The following DCC variants were observed in gnomAD, a reference collection of about 807,000 sequenced individuals.
The protein encoded by DCC is DCC netrin 1 receptor.
DCC carries 58 observed loss-of-function variants against 172.5 expected under a neutral mutation model. The observed-to-expected ratio is 0.34, with a 90% CI of 0.27 to 0.42. DCC has a LOEUF of 0.42. DCC is among the 10% of genes least tolerant of loss of function. DCC has a pLI of 1.00. For missense variants in DCC, 1,740 were observed against 1,791.0 expected, an observed-to-expected ratio of 0.97 and a Z score of 0.51; for synonymous variants, 709 against 644.5, an observed-to-expected ratio of 1.10 and a Z score of -1.52.
chr18:52,482,584 C>G (rs1371352939), intron 1 of DCC, among the ~76,000 whole-genome samples: 1 of 152,132 alleles, frequency 6.6e-6, no homozygotes, highest in Non-Finnish European at 1.5e-5. Context: ...AGCAAGAAAG[C>G]TCTCTGGGGT....
intron 5 of DCC, among the ~76,000 whole-genome samples, chr18:52,957,999 T>C (rs953034996): frequency 6.6e-6 from 1 of 152,128 alleles, no homozygotes; most frequent in Non-Finnish European, 1.5e-5. Flanking sequence ...ATAAGGCTAT[T>C]GCATTGATTC....
chr18:53,000,080 G>A (rs1331582783), intron 5 of DCC, among the ~76,000 whole-genome samples: 9 of 152,024 alleles, frequency 5.9e-5, no homozygotes, highest in Non-Finnish European at 1.5e-5. Context: ...GGGTCTCAGA[G>A]CAAGTATAGC....
chr18:52,428,016 G>A (rs1987499728), intron 1 of DCC, among the ~76,000 whole-genome samples: 2 of 151,940 alleles, frequency 1.3e-5, no homozygotes, highest in African/African-American at 2.4e-5. Context: ...AAATTGTCTT[G>A]GCTTCGTGGC....
intron 12 of DCC, among the ~76,000 whole-genome samples, chr18:53,220,624 A>G (rs2055917508): frequency 6.6e-6 from 1 of 152,214 alleles, no homozygotes; most frequent in East Asian, 1.9e-4. Context: ...TTTGCTTATT[A>G]ATGAACAATT....
chr18:53,312,046 A>C (rs533539265), intron 13 of DCC, among the ~76,000 whole-genome samples: 197 of 151,774 alleles, frequency 1.3e-3, no homozygotes, highest in African/African-American at 4.1e-3. Context: ...GCGGTGGCTC[A>C]TGCCTGTAAT....
intron 11 of DCC, among the ~76,000 whole-genome samples, chr18:53,215,058 T>C (rs1434562970): frequency 6.6e-6 from 1 of 152,220 alleles, no homozygotes; most frequent in Admixed American, 6.5e-5. Flanking sequence ...AACTGAGAAG[T>C]ATTTCTTCTT....
intron 2 of DCC, among the ~76,000 whole-genome samples, chr18:52,901,600 TAAAAC>T (rs1421750428): frequency 6.6e-6 from 1 of 152,128 alleles, no homozygotes; most frequent in Non-Finnish European, 1.5e-5. Context: ...GCATAAATGA[TAAAAC>T]AATCCGTTCC....
intron 2 of DCC, among the ~76,000 whole-genome samples, chr18:52,763,886 A>G (rs2037201409): frequency 6.6e-6 from 1 of 152,156 alleles, no homozygotes; most frequent in Non-Finnish European, 1.5e-5. Flanking sequence ...ATTTGTTCTT[A>G]CAGATCAGTT....
intron 1 of DCC, among the ~76,000 whole-genome samples, chr18:52,462,816 G>T (rs1214740697): frequency 2.0e-5 from 3 of 152,068 alleles, no homozygotes; most frequent in African/African-American, 7.2e-5. Context: ...GCTGGCACAG[G>T]TGCTGGCACA....
intron 1 of DCC, among the ~76,000 whole-genome samples, chr18:52,451,127 G>A (rs1988290558): frequency 2.6e-5 from 4 of 152,104 alleles, no homozygotes; most frequent in Admixed American, 2.6e-4. Context: ...ATGACTAAGG[G>A]AATTAGTGAG....
At chr18:53,414,895 A>C (rs757815743) in intron 20 of DCC, among the ~76,000 whole-genome samples, 2 of 152,170 alleles carry the variant, frequency 1.3e-5, no homozygotes, top group African/African-American at 4.8e-5. Flanking sequence ...TTCAAAATCT[A>C]CTACTTATCA....
intron 7 of DCC, among the ~76,000 whole-genome samples, chr18:53,092,839 CTTG>C (rs1239833280): frequency 6.6e-6 from 1 of 152,056 alleles, no homozygotes; most frequent in African/African-American, 2.4e-5. Flanking sequence ...CCCGAAACAA[CTTG>C]TTAAGGAAAT....
chr18:53,108,568 T>G (rs2043283712), intron 7 of DCC, among the ~76,000 whole-genome samples: 1 of 151,844 alleles, frequency 6.6e-6, no homozygotes, highest in South Asian at 2.1e-4. Flanking sequence ...TTTGATAGAT[T>G]GAAAAGAAAA....
At chr18:53,122,475 T>C (rs2043496367) in intron 7 of DCC, among the ~76,000 whole-genome samples, 1 of 152,032 alleles carries the variant, frequency 6.6e-6, no homozygotes, top group Non-Finnish European at 1.5e-5. Context: ...GAAAAACTGT[T>C]GTTTTAATGG....
intron 24 of DCC, among the ~76,000 whole-genome samples, chr18:53,461,220 A>G (rs11662896): frequency 0.45 from 68,250 of 150,822 alleles, 17,123 homozygotes; most frequent in Non-Finnish European, 0.58. Context: ...ATTTTCTCCC[A>G]TTTTGTAGGT....
chr18:52,795,679 G>A (rs968917205), intron 2 of DCC, among the ~76,000 whole-genome samples: 1 of 151,780 alleles, frequency 6.6e-6, no homozygotes, highest in African/African-American at 2.4e-5. Flanking sequence ...TCCTTAAGGT[G>A]CATTGATAGG....
intron 1 of DCC, among the ~76,000 whole-genome samples, chr18:52,354,492 T>C (rs1191723721): frequency 1.3e-5 from 2 of 152,180 alleles, no homozygotes; most frequent in East Asian, 3.9e-4. Flanking sequence ...CATCCAAAAC[T>C]GAAGGTTTTT....
chr18:52,648,261 A>G (rs556295043), intron 1 of DCC, among the ~76,000 whole-genome samples: 10 of 152,286 alleles, frequency 6.6e-5, no homozygotes, highest in Admixed American at 3.9e-4. Context: ...TTGGTGGAGT[A>G]TTTACACCAC....
Position 53,327,036 on chromosome 18 carries a change from T to C in DCC, c.2164+4879T>C, listed in dbSNP as rs1311759417. On this transcript the variant is annotated intron_variant, in intron 14 of 28. Transcript: ENST00000442544. ...CTGCAAGTCAGCTAAACAGAAACAG[T>C]GCTATTTGCAGATTGTTAAAGGAAA... Among the ~76,000 whole-genome samples the C allele has an allele frequency of 3.9e-5, 6 of 152,172 alleles. No individual in the cohort carries two copies. The East Asian group carries it at 7.7e-4, about 20-fold the overall frequency.
Sources: allele counts gnomAD v4.1 joint callset (sites outside exome capture counted in the v4.1 genomes callset), GRCh38; gene constraint gnomAD v4.1.1; transcripts MANE v1.5; gene names NCBI Gene and HGNC (gene_info 2026-07-23, HGNC 2026-07-21).